The following FHIT variants were observed in gnomAD, a reference collection of about 807,000 sequenced individuals.
The protein encoded by FHIT is fragile histidine triad diadenosine triphosphatase.
In FHIT, 19 loss-of-function variants were observed where a neutral mutation model predicts 17.9. The observed-to-expected ratio is 1.06, with a 90% CI of 0.74 to 1.56. The LOEUF (loss-of-function observed/expected upper bound fraction) is 1.56. Among genes scored for constraint, FHIT ranks in the 40% most tolerant of loss-of-function variants. The pLI, the probability that FHIT is intolerant of heterozygous loss-of-function variation, is 0.00. For synonymous variants in FHIT, 81 were observed against 69.7 expected (o/e 1.16, Z -0.81); for missense variants, 248 against 189.2 (o/e 1.31, Z -1.82).
chr3:60,332,353 A>C (rs1299558759), intron 5 of FHIT, among the ~76,000 whole-genome samples: 1 of 152,200 alleles, frequency 6.6e-6, no homozygotes, highest in Admixed American at 6.5e-5. Flanking sequence ...CTGATCAAGG[A>C]GGTATGCTTG....
At chr3:59,913,764 T>G (rs1298943792) in intron 8 of FHIT, among the ~76,000 whole-genome samples, 1 of 152,168 alleles carries the variant, frequency 6.6e-6, no homozygotes, top group Non-Finnish European at 1.5e-5. Context: ...TCCCCCATTT[T>G]AAATATGGGA....
chr3:61,067,246 C>T (rs6797465), intron 2 of FHIT, among the ~76,000 whole-genome samples: 1 of 152,032 alleles, frequency 6.6e-6, no homozygotes, highest in African/African-American at 2.4e-5. Context: ...CCAAGACAAT[C>T]CTTAGACTCA....
intron 5 of FHIT, among the ~76,000 whole-genome samples, chr3:60,423,039 C>A (rs1410571236): frequency 6.6e-6 from 1 of 152,100 alleles, no homozygotes; most frequent in Non-Finnish European, 1.5e-5. Context: ...TAGAATGGGA[C>A]AGAATATGGT....
intron 2 of FHIT, among the ~76,000 whole-genome samples, chr3:61,160,015 C>G (rs1263899220): frequency 6.6e-6 from 1 of 152,162 alleles, no homozygotes; most frequent in Non-Finnish European, 1.5e-5. Context: ...AAAGAATATA[C>G]AACATCTGCC....
intron 2 of FHIT, among the ~76,000 whole-genome samples, chr3:61,143,937 G>T (rs1294757495): frequency 1.3e-5 from 2 of 152,110 alleles, no homozygotes; most frequent in Non-Finnish European, 2.9e-5. Context: ...GCATTCTTTT[G>T]TCTCTAGTAG....
chr3:60,813,609 C>A (rs941397586), intron 4 of FHIT, among the ~76,000 whole-genome samples: 14 of 152,134 alleles, frequency 9.2e-5, no homozygotes, highest in African/African-American at 3.1e-4. Flanking sequence ...GATCTCTATA[C>A]TCTCCAATTA....
chr3:60,628,903 G>A (rs569839976), intron 4 of FHIT, among the ~76,000 whole-genome samples: 23 of 152,084 alleles, frequency 1.5e-4, no homozygotes, highest in Non-Finnish European at 2.6e-4. Context: ...TCTGAGTAGG[G>A]GACTTGTTGG....
intron 4 of FHIT, among the ~76,000 whole-genome samples, chr3:60,705,564 G>C (rs1475977879): frequency 6.6e-6 from 1 of 152,182 alleles, no homozygotes; most frequent in African/African-American, 2.4e-5. Context: ...TTGGTCTCTA[G>C]GGATCACTTG....
intron 4 of FHIT, among the ~76,000 whole-genome samples, chr3:60,805,410 C>T (rs548907822): frequency 6.4e-4 from 98 of 152,170 alleles, no homozygotes; most frequent in African/African-American, 2.3e-3. Flanking sequence ...CCTTTTCGTT[C>T]ACCATGTCAC....
intron 5 of FHIT, among the ~76,000 whole-genome samples, chr3:60,534,439 CAAA>C (rs563992117): frequency 6.5e-4 from 21 of 32,408 alleles, no homozygotes; most frequent in South Asian, 4.4e-3. Flanking sequence ...GACTCCGTCT[CAAA>C]AAAAAAAAAA....
At chr3:61,202,484 T>C (rs1035574361) in intron 1 of FHIT, among the ~76,000 whole-genome samples, 2 of 149,874 alleles carry the variant, frequency 1.3e-5, no homozygotes, top group African/African-American at 4.9e-5. Flanking sequence ...GTTTGCATTT[T>C]TGACATTAAA....
At chr3:60,615,921 G>A (rs2038937740) in intron 4 of FHIT, among the ~76,000 whole-genome samples, 1 of 152,178 alleles carries the variant, frequency 6.6e-6, no homozygotes, top group Non-Finnish European at 1.5e-5. Flanking sequence ...AAGAAAAAGA[G>A]ATAAAGAAAC....
intron 7 of FHIT, among the ~76,000 whole-genome samples, chr3:59,936,563 G>A (rs1706251315): frequency 6.6e-6 from 1 of 152,198 alleles, no homozygotes; most frequent in Admixed American, 6.5e-5. Context: ...AGGCAGCTCT[G>A]TGGCTTTTTC....
At chr3:61,207,667 C>T (rs1386115287) in intron 1 of FHIT, among the ~76,000 whole-genome samples, 1 of 152,058 alleles carries the variant, frequency 6.6e-6, no homozygotes, top group Admixed American at 6.5e-5. Flanking sequence ...GTGTTGATAT[C>T]CCCTTTATCA....
chr3:60,086,698 C>T lies in FHIT; in HGVS notation c.104-72546G>A, dbSNP rs187999860. Among the ~76,000 whole-genome samples, 379 of 152,326 alleles carry T rather than the reference C, an allele frequency of 2.5e-3. 1 individual carries two copies. Among genetic ancestry groups the T allele is most frequent in the African/African-American group, 8.9e-3 (370 of 41,584 alleles). ...TATCTTAAAGCTACAAAATAATCTT[C>T]TTTGCCTCCATGCCCTACATCCTAG... On this transcript the variant is annotated intron_variant, in intron 5 of 9. Transcript: ENST00000492590.
intron 3 of FHIT, among the ~76,000 whole-genome samples, chr3:60,852,698 T>A (rs1429643137): frequency 6.6e-6 from 1 of 152,168 alleles, no homozygotes; most frequent in East Asian, 1.9e-4. Context: ...AAAGAGTAGT[T>A]ACTAATGCCA....
intron 5 of FHIT, among the ~76,000 whole-genome samples, chr3:60,213,220 CT>C (rs1241958535): frequency 6.6e-6 from 1 of 152,156 alleles, no homozygotes; most frequent in East Asian, 1.9e-4. Context: ...GGCACATACC[CT>C]TTCTTGCTCT....
intron 2 of FHIT, among the ~76,000 whole-genome samples, chr3:61,046,950 T>G (rs4688507): frequency 2.6e-5 from 4 of 152,102 alleles, no homozygotes; most frequent in African/African-American, 9.6e-5. Flanking sequence ...CAGGCCTTCA[T>G]GCTAAAAACT....
intron 2 of FHIT, among the ~76,000 whole-genome samples, chr3:61,120,155 C>T (rs1030929396): frequency 1.3e-5 from 2 of 152,128 alleles, no homozygotes; most frequent in Non-Finnish European, 2.9e-5. Context: ...TTACTTTATA[C>T]ACTAAGGCTA....
Sources: gnomAD v4.1 joint callset for allele counts (sites outside exome capture counted in the v4.1 genomes callset) on GRCh38, gnomAD v4.1.1 for gene constraint, MANE v1.5 for transcripts, NCBI Gene and HGNC (gene_info 2026-07-23, HGNC 2026-07-21) for gene names.